Variants in LRRC20 observed in about 807,000 individuals in gnomAD.
LRRC20 encodes leucine rich repeat containing 20, also known as leucine-rich repeat-containing protein 20.
LRRC20 carries 11 observed loss-of-function variants against 14.4 expected under a neutral mutation model. The ratio of observed to expected loss-of-function variants is 0.77; its 90% CI spans 0.48 to 1.27. LRRC20 has a LOEUF of 1.27. LRRC20 is among the 50% of genes most tolerant of loss of function. The pLI, the probability that LRRC20 is intolerant of heterozygous loss-of-function variation, is 0.00. For synonymous variants in LRRC20, 121 were observed against 107.3 expected (o/e 1.13, Z -0.79); for missense variants, 219 against 251.2 (o/e 0.87, Z 0.87).
At position 70,300,367 on chromosome 10, in the gene LRRC20, G is replaced by T. The variant is rs1441927234; in HGVS notation, c.*987C>A. On this transcript the variant is annotated 3_prime_UTR_variant, in exon 5 of 5. Transcript: ENST00000446961. ...TGCCTGACCATACCCTAAGATGCCA[G>T]GTTGAGGGCCTCAGAAGAACCAGGT... The T allele has an allele frequency of 1.0e-6, 1 of 985,372 alleles. No homozygotes were observed. The highest frequency in any genetic ancestry group is 6.1e-5 in the Admixed American group (1 of 16,274). The allele number at this position is 985,372 out of a possible 1,614,324, so 61.0% of individuals were successfully genotyped here.
At chr10:70,369,298 G>A (rs76702380) in intron 2 of LRRC20, among the ~76,000 whole-genome samples, 10,322 of 152,046 alleles carry the variant, frequency 0.068, 407 homozygotes, top group South Asian at 0.15. Flanking sequence ...CCCATCCCTC[G>A]GGGCAGGCAG....
chr10:70,301,244 G>A lies in LRRC20; in HGVS notation c.*110C>T, dbSNP rs1037060037. 1.2e-5 allele frequency: 18 copies of A among 1,464,584 alleles called. No homozygotes were observed. Among genetic ancestry groups the A allele is most frequent in the African/African-American group, 1.1e-4 (8 of 70,288 alleles). The allele number at this position is 1,464,584 out of a possible 1,614,324, so 90.7% of individuals were successfully genotyped here. On this transcript the variant is annotated 3_prime_UTR_variant, in exon 5 of 5. Coordinates refer to ENST00000446961, the MANE Select transcript of LRRC20 (RefSeq NM_001278212.2). ...GCACCCCACCCACCACGTGCTGCTC[G>A]GCCCACCCGCCCCCAGCCCCCAGGC...
intron 2 of LRRC20, among the ~76,000 whole-genome samples, chr10:70,369,710 C>T (rs1589126501): frequency 6.6e-6 from 1 of 150,848 alleles, no homozygotes; most frequent in Non-Finnish European, 1.5e-5. Flanking sequence ...ATTAACATCA[C>T]CTTTGTCATA....
intron 2 of LRRC20, among the ~76,000 whole-genome samples, chr10:70,353,915 G>T (rs2137071318): frequency 6.6e-6 from 1 of 152,276 alleles, no homozygotes; most frequent in Middle Eastern, 3.4e-3. Context: ...CTAGTATATT[G>T]CAGTTCCCAT....
chr10:70,368,058 A>G (rs1377855374), intron 2 of LRRC20, among the ~76,000 whole-genome samples: 1 of 132,778 alleles, frequency 7.5e-6, no homozygotes, highest in Non-Finnish European at 1.6e-5. Context: ...ATCTTGGCTC[A>G]CTGCAACCTC....
In LRRC20 at chr10:70,300,885, G is replaced by T. The variant is rs142023048; in HGVS notation, c.*469C>A. On this transcript the variant is annotated 3_prime_UTR_variant, in exon 5 of 5. Coordinates refer to ENST00000446961, the MANE Select transcript of LRRC20 (RefSeq NM_001278212.2). The stretch of plus-strand genomic sequence containing the variant: ...TCTCAGGAAGCAATAAATAGATGGA[G>T]GTTGTCTTCTCTTCTCAGGGCAGCA... 251 of 987,956 alleles carry T rather than the reference G, an allele frequency of 2.5e-4. 1 individual carries two copies. The African/African-American group carries it at 3.9e-3, about 15-fold the overall frequency. 61.2% of individuals were successfully genotyped at this position (987,956 alleles called of 1,614,324 possible). A position where few individuals can be genotyped will look rare whatever the true frequency, so the allele number is the denominator to read the frequency against.
intron 2 of LRRC20, among the ~76,000 whole-genome samples, chr10:70,352,970 T>G (rs1216955478): frequency 3.3e-5 from 5 of 152,218 alleles, no homozygotes; most frequent in Non-Finnish European, 2.9e-5. Context: ...GGCAAAAACA[T>G]CCCCAGAAAC....
chr10:70,368,156 G>A (rs1414650081), intron 2 of LRRC20, among the ~76,000 whole-genome samples: 1 of 54,356 alleles, frequency 1.8e-5, no homozygotes, highest in Admixed American at 3.3e-4. Context: ...GCTAATTTTT[G>A]CTTTTTTTTT....
At chr10:70,330,400 G>A (rs1842493045) in intron 3 of LRRC20, among the ~76,000 whole-genome samples, 1 of 152,170 alleles carries the variant, frequency 6.6e-6, no homozygotes, top group Non-Finnish European at 1.5e-5. Flanking sequence ...GAATAAAGTT[G>A]TTTATAATAA....
intron 4 of LRRC20, among the ~76,000 whole-genome samples, chr10:70,304,117 T>C (rs1355242260): frequency 6.6e-6 from 1 of 152,110 alleles, no homozygotes; most frequent in Non-Finnish European, 1.5e-5. Flanking sequence ...TTAGGATCAC[T>C]CAGACAACAC....
chr10:70,373,991 C>T (rs2137167482), intron 2 of LRRC20, among the ~76,000 whole-genome samples: 1 of 152,332 alleles, frequency 6.6e-6, no homozygotes, highest in Admixed American at 6.5e-5. Context: ...CAGAAATGCC[C>T]ACCTGTCCAC....
chr10:70,374,348 A>T lies in LRRC20; in HGVS notation c.82+2104T>A, dbSNP rs7085181. Among the ~76,000 whole-genome samples, 1,161 of 147,678 alleles carry T rather than the reference A, an allele frequency of 7.9e-3. 13 individuals carry two copies. Among genetic ancestry groups the T allele is most frequent in the South Asian group, 0.03 (140 of 4,702 alleles). ...GCTGCTGTGTCCCTATCCCCTGTGA[A>T]GCCTTTTTTTTTTTTTTTTGAGATG... is the stretch of plus-strand genomic sequence containing the variant. On this transcript the variant is annotated intron_variant, in intron 2 of 4. Coordinates refer to ENST00000446961, the MANE Select transcript of LRRC20 (RefSeq NM_001278212.2).
chr10:70,301,452 A>G lies in LRRC20; in HGVS notation c.457T>C (p.Phe153Leu), dbSNP rs1434245804. ...MPALRSINLR[F>L]NPLNAEVRVI... is the part of the protein sequence containing the mutation. ...CGCACCTCGGCGTTGAGTGGGTTGA[A>G]GCGGAGGTTGATGCTGCGCAAGGCT... The change falls in exon 5 of 5, where the codon TTC (phenylalanine) becomes CTC (leucine). Residue 153 changes from phenylalanine to leucine, a missense_variant. Physicochemically the swap from Phe to Leu is conservative, Grantham distance 22 (BLOSUM62 0). Coordinates refer to ENST00000446961, the MANE Select transcript of LRRC20 (RefSeq NM_001278212.2). 2 of 1,614,082 alleles carry G rather than the reference A, an allele frequency of 1.2e-6. No individual in the cohort carries two copies. Among genetic ancestry groups the G allele is most frequent in the Admixed American group, 3.3e-5 (2 of 60,026 alleles).
chr10:70,333,184 G>T (rs1220433127), intron 3 of LRRC20, among the ~76,000 whole-genome samples: 3 of 152,204 alleles, frequency 2.0e-5, no homozygotes, highest in Non-Finnish European at 4.4e-5. Flanking sequence ...TGTTAGCTTG[G>T]GCTCTGGAGG....
At chr10:70,379,014 G>T (rs1304955531) in intron 1 of LRRC20, among the ~76,000 whole-genome samples, 1 of 152,156 alleles carries the variant, frequency 6.6e-6, no homozygotes, top group African/African-American at 2.4e-5. Context: ...TGGGGCCAGG[G>T]AATAGACCTA....
intron 3 of LRRC20, among the ~76,000 whole-genome samples, chr10:70,339,416 G>T (rs951210845): frequency 6.6e-6 from 1 of 152,214 alleles, no homozygotes; most frequent in Non-Finnish European, 1.5e-5. Flanking sequence ...GCTCCTGGAA[G>T]ACAGAGGGCA....
At chr10:70,342,036 C>T (rs1392126375) in intron 2 of LRRC20, among the ~76,000 whole-genome samples, 3 of 152,158 alleles carry the variant, frequency 2.0e-5, no homozygotes, top group Middle Eastern at 3.4e-3. Context: ...CAGTGGCTCA[C>T]GCCTGCAATC....
intron 3 of LRRC20, among the ~76,000 whole-genome samples, chr10:70,332,316 T>G (rs1842571386): frequency 6.6e-6 from 1 of 152,200 alleles, no homozygotes; most frequent in Non-Finnish European, 1.5e-5. Context: ...TGGAACAGAC[T>G]AAAATGAAGT....
At chr10:70,304,291 G>A (rs919036909) in intron 4 of LRRC20, among the ~76,000 whole-genome samples, 10 of 152,070 alleles carry the variant, frequency 6.6e-5, no homozygotes, top group East Asian at 3.9e-4. Context: ...ACCTCAGGCC[G>A]ATAGTGATGG....
Sources: allele counts gnomAD v4.1 joint callset (sites outside exome capture counted in the v4.1 genomes callset), GRCh38; gene constraint gnomAD v4.1.1; transcripts MANE v1.5; gene names NCBI Gene and HGNC (gene_info 2026-07-23, HGNC 2026-07-21).